MFSD11: variants seen among roughly 807,000 people sequenced by gnomAD.
The protein encoded by MFSD11 is major facilitator superfamily domain containing 11.
MFSD11 carries 36 observed loss-of-function variants against 53.5 expected under a neutral mutation model. That is an observed-to-expected ratio of 0.67 (90% CI 0.52 to 0.89). The LOEUF is 0.89. MFSD11 is among the 40% of genes least tolerant of loss of function. MFSD11 has a pLI of 0.00. For missense variants in MFSD11, 530 were observed against 543.9 expected (o/e 0.97, Z 0.25); for synonymous variants, 186 against 184.9 (o/e 1.01, Z -0.05).
the MFSD11 span, among the ~76,000 whole-genome samples, chr17:76,795,253 G>A: frequency 6.1e-5 from 9 of 147,896 alleles, no homozygotes; most frequent in East Asian, 2.1e-4. Context: ...AGGCTGAGGC[G>A]GGCGGATCAC....
chr17:76,753,352 G>A (rs1406489075), intron 7 of MFSD11, among the ~76,000 whole-genome samples: 1 of 152,156 alleles, frequency 6.6e-6, no homozygotes, highest in Admixed American at 6.6e-5. Context: ...AGAAAATTGA[G>A]TACTCACAGA....
At chr17:76,787,261 G>A in the MFSD11 span, among the ~76,000 whole-genome samples, 45 of 150,750 alleles carry the variant, frequency 3.0e-4, 2 homozygotes, top group East Asian at 8.6e-3. Context: ...TCAGGCTCCC[G>A]AGTAGCTGGG....
chr17:76,796,824 A>AG, the MFSD11 span, among the ~76,000 whole-genome samples: 2 of 149,856 alleles, frequency 1.3e-5, 1 homozygote, highest in South Asian at 4.2e-4. Context: ...AAAAAAAAAA[A>AG]AAAAAATTAG....
At chr17:76,742,109 T>C in intron 4 of MFSD11, 61 bp downstream of exon 4, 2 of 1,613,908 alleles carry the variant, frequency 1.2e-6, no homozygotes, top group South Asian at 2.2e-5. Context: ...AAGGGTATTA[T>C]TTATGTGTTT....
chr17:76,784,775 T>A (rs931356176), downstream of MFSD11, among the ~76,000 whole-genome samples: 3 of 152,094 alleles, frequency 2.0e-5, no homozygotes, highest in South Asian at 6.2e-4. Flanking sequence ...GGCATGTGCC[T>A]GTAATCCTAG....
the MFSD11 span, among the ~76,000 whole-genome samples, chr17:76,792,658 A>T: frequency 0.043 from 6,562 of 151,244 alleles, 791 homozygotes; most frequent in African/African-American, 0.15. Context: ...TTCCATGGTA[A>T]CGGGGAATTG....
At chr17:76,771,360 G>GAACA (rs2081363658) in intron 10 of MFSD11, among the ~76,000 whole-genome samples, 1 of 152,192 alleles carries the variant, frequency 6.6e-6, no homozygotes, top group African/African-American at 2.4e-5. Flanking sequence ...TTTTTATTAT[G>GAACA]CTCCACGAGT....
rs1042208002 is a variant in MFSD11 at position 76,738,881 on chromosome 17, A to C, written c.97-57A>C. 3 of 1,394,156 alleles carry C rather than the reference A, an allele frequency of 2.2e-6. No homozygotes were observed. In the African/African-American group the frequency reaches 4.3e-5, roughly 20 times the overall value. 86.4% of individuals were successfully genotyped at this position (1,394,156 alleles called of 1,614,324 possible). ...CTGAGTACTTGGAGTCACACTTCCCAAGGGTGGGAGGGAGACTGCAAAACA... is the reference window on the plus strand; with the variant it reads ...CTGAGTACTTGGAGTCACACTTCCCCAGGGTGGGAGGGAGACTGCAAAACA... On this transcript the variant is annotated intron_variant, in intron 1 of 12. Transcript: ENST00000685175.
chr17:76,750,890 G>A (rs1379161108), intron 7 of MFSD11, among the ~76,000 whole-genome samples: 1 of 149,524 alleles, frequency 6.7e-6, no homozygotes, highest in Non-Finnish European at 1.5e-5. Context: ...TGAAACCTCC[G>A]CCTTCCATGT....
chr17:76,798,013 A>G, the MFSD11 span, among the ~76,000 whole-genome samples: 1 of 151,292 alleles, frequency 6.6e-6, no homozygotes, highest in African/African-American at 2.4e-5. Flanking sequence ...CCTCCCGAGT[A>G]GCTGGAACCA....
Position 76,776,325 on chromosome 17 carries a change from C to A in MFSD11, c.1050-81C>A. On this transcript the variant is annotated intron_variant, in intron 11 of 12. Coordinates refer to ENST00000685175, the MANE Select transcript of MFSD11 (RefSeq NM_001242532.5). The surrounding 1 kb of genome is among the most constrained non-coding windows in gnomAD (Gnocchi z 4.2). ...GTGTTTACAACTTGCAGGTAGAATT[C>A]TTTTGTGGGTGGGTTGCTTGTATAT... 2.0e-6 allele frequency: 3 copies of A among 1,465,566 alleles called. No homozygotes were observed. The highest frequency in any genetic ancestry group is 1.3e-5 in the South Asian group (1 of 79,008). 90.8% of individuals were successfully genotyped at this position (1,465,566 alleles called of 1,614,324 possible). A position where few individuals can be genotyped will look rare whatever the true frequency, so the allele number is the denominator to read the frequency against.
the MFSD11 span, among the ~76,000 whole-genome samples, chr17:76,801,348 G>A: frequency 9.3e-6 from 1 of 107,696 alleles, no homozygotes; most frequent in Non-Finnish European, 1.7e-5. Flanking sequence ...CAGGGGCACA[G>A]AGCAAGGCTC....
chr17:76,801,093 A>C, the MFSD11 span, among the ~76,000 whole-genome samples: 1 of 151,450 alleles, frequency 6.6e-6, no homozygotes, highest in Non-Finnish European at 1.5e-5. Context: ...AAAAAGGAAT[A>C]AAAGAATGGC....
the MFSD11 span, among the ~76,000 whole-genome samples, chr17:76,787,243 T>C: frequency 0.019 from 2,852 of 151,316 alleles, 176 homozygotes; most frequent in African/African-American, 0.063. Flanking sequence ...TCAAGCGATT[T>C]TCCTGCCTCA....
In MFSD11 at chr17:76,776,317, G is replaced by A; in HGVS notation, c.1050-89G>A. On this transcript the variant is annotated intron_variant, in intron 11 of 12. Transcript: ENST00000685175. This position sits in a 1 kb window ranked among gnomAD's most constrained non-coding sequence, Gnocchi z 4.2. ...GTTTCATAGTGTTTACAACTTGCAG[G>A]TAGAATTCTTTTGTGGGTGGGTTGC... is the stretch of plus-strand genomic sequence containing the variant. 1 of 1,387,950 alleles carries A rather than the reference G, an allele frequency of 7.2e-7. No individual in the cohort carries two copies. The highest frequency in any genetic ancestry group is 9.9e-7 in the Non-Finnish European group (1 of 1,013,402). 86.0% of individuals were successfully genotyped at this position (1,387,950 alleles called of 1,614,324 possible). A position where few individuals can be genotyped will look rare whatever the true frequency, so the allele number is the denominator to read the frequency against.
Position 76,754,035 on chromosome 17 carries a change from T to C in MFSD11, c.642-12T>C. ...AAAGAAAAAACTTATTTTTTACATTTTATTTTCTCAGGTCTGCCCAGAACA... is the reference window on the plus strand; with the variant it reads ...AAAGAAAAAACTTATTTTTTACATTCTATTTTCTCAGGTCTGCCCAGAACA... On this transcript the variant is annotated splice_polypyrimidine_tract_variant and intron_variant, in intron 7 of 12. Coordinates refer to ENST00000685175, the MANE Select transcript of MFSD11 (RefSeq NM_001242532.5). 6.3e-7 allele frequency: 1 copy of C among 1,599,390 alleles called. No individual in the cohort carries two copies. The highest frequency in any genetic ancestry group is 8.5e-7 in the Non-Finnish European group (1 of 1,174,164).
At chr17:76,737,521 T>C (rs2077583335), upstream of MFSD11, 1 of 294,870 alleles carries the variant, frequency 3.4e-6, no homozygotes, top group Non-Finnish European at 6.4e-6. Context: ...GAGTCACGGC[T>C]GGAGGGAGGG....
At position 76,763,511 on chromosome 17, in the gene MFSD11, G is replaced by A. The variant is rs148199714; in HGVS notation, c.683-3875G>A. Among the ~76,000 whole-genome samples, 354 of 152,070 alleles carry A rather than the reference G, an allele frequency of 2.3e-3. 1 individual carries two copies. Among genetic ancestry groups the A allele is most frequent in the African/African-American group, 8.2e-3 (339 of 41,498 alleles). On this transcript the variant is annotated intron_variant, in intron 8 of 12. Transcript: ENST00000685175. ...ATTCCTGATCTCAAGTGATCCACCC[G>A]CCTCAGCCTCCCAAAGTGCTGGGAT...
chr17:76,742,186 C>T lies in MFSD11; in HGVS notation c.350C>T (p.Thr117Ile). 2 of 1,614,098 alleles carry T rather than the reference C, an allele frequency of 1.2e-6. No individual in the cohort carries two copies. Among genetic ancestry groups the T allele is most frequent in the Non-Finnish European group, 1.7e-6 (2 of 1,179,992 alleles). Residue 117 changes from threonine (T) to isoleucine (I), a missense_variant, in exon 5 of 13, where the codon ACA becomes ATA. Thr to Ile is a moderately conservative substitution (Grantham distance 89). Transcript: ENST00000685175. The stretch of plus-strand genomic sequence containing the variant: ...TTGGGTTGAATTTTAGTGCTTTGGA[C>T]AGCACAAGGAAACTGCCTGACAATC... Reference protein sequence around the residue: ...FIGIAAAVLWTAQGNCLTINS... With the variant: ...FIGIAAAVLWIAQGNCLTINS...
Sources: gnomAD v4.1 joint callset for allele counts (sites outside exome capture counted in the v4.1 genomes callset) on GRCh38, gnomAD v4.1.1 for gene constraint, Gnocchi (gnomAD v3.1) non-coding constraint, MANE v1.5 for transcripts, NCBI Gene and HGNC (gene_info 2026-07-23, HGNC 2026-07-21) for gene names.